BTC: variants seen among roughly 807,000 people sequenced by gnomAD.
BTC encodes the protein probetacellulin.
BTC carries 13 observed loss-of-function variants against 18.1 expected under a neutral mutation model. The ratio of observed to expected loss-of-function variants is 0.72; its 90% CI spans 0.47 to 1.14. The LOEUF (loss-of-function observed/expected upper bound fraction) is 1.14, where lower values mean the gene tolerates loss of function less well. Ranked by LOEUF, BTC falls within the 50% of genes most tolerant of loss-of-function variation. The pLI, the probability that BTC is intolerant of heterozygous loss-of-function variation, is 0.00. For missense variants in BTC, 247 were observed against 224.2 expected (o/e 1.10, Z -0.65); for synonymous variants, 83 against 79.4 (o/e 1.05, Z -0.24).
chr4:74,792,004 CACAA>C (rs754710215), intron 1 of BTC, among the ~76,000 whole-genome samples: 2,798 of 141,840 alleles, frequency 0.02, 51 homozygotes, highest in African/African-American at 0.05. Context: ...CACACACACA[CACAA>C]ACACTAGTGT....
chr4:74,758,222 C>G (rs143846412), intron 2 of BTC, among the ~76,000 whole-genome samples: 1 of 151,996 alleles, frequency 6.6e-6, no homozygotes, highest in East Asian at 1.9e-4. Flanking sequence ...AGAATGGCTG[C>G]GAATGAAAGT....
rs1461436134 is a variant in BTC at position 74,794,318 on chromosome 4, C to T, written c.8G>A (p.Arg3Gln). The T allele has an allele frequency of 1.9e-6, 3 of 1,546,968 alleles. No homozygotes were observed. The highest frequency in any genetic ancestry group is 2.6e-6 in the Non-Finnish European group (3 of 1,145,964). Residue 3 changes from arginine (R) to glutamine (Q), a missense_variant, in exon 1 of 6, where the codon CGG (arginine) becomes CAG (glutamine). By Grantham distance (43) the Arg-to-Gln change is conservative. Transcript: ENST00000395743. ...GCTGGCGCCGCTGCACCGGGCGGCC[C>T]GGTCCATCAACCCCGCTCTGCCGGG... MD[R>Q]AARCSGASSL...
At chr4:74,781,652 A>G (rs933318027) in intron 1 of BTC, among the ~76,000 whole-genome samples, 4 of 150,690 alleles carry the variant, frequency 2.7e-5, no homozygotes, top group Admixed American at 6.6e-5. Flanking sequence ...TGACTCCCAC[A>G]CCACAAATAT....
At chr4:74,785,182 A>C (rs1365695147) in intron 1 of BTC, among the ~76,000 whole-genome samples, 1 of 152,034 alleles carries the variant, frequency 6.6e-6, no homozygotes, top group Non-Finnish European at 1.5e-5. Flanking sequence ...GAATTTATCC[A>C]TTTATCTTAG....
At chr4:74,784,696 T>C (rs1019295020) in intron 1 of BTC, among the ~76,000 whole-genome samples, 2 of 152,210 alleles carry the variant, frequency 1.3e-5, no homozygotes, top group African/African-American at 4.8e-5. Context: ...GTGGTTTTTG[T>C]CTTTAGTTCT....
chr4:74,784,232 GAAAAAA>G (rs58751452), intron 1 of BTC, among the ~76,000 whole-genome samples: 1 of 79,632 alleles, frequency 1.3e-5, no homozygotes, highest in East Asian at 3.7e-4. Context: ...ATTCTCTCTC[GAAAAAA>G]AAAAAAAAAA....
At chr4:74,753,412 G>C (rs552524548) in intron 3 of BTC, among the ~76,000 whole-genome samples, 2 of 152,244 alleles carry the variant, frequency 1.3e-5, no homozygotes, top group Admixed American at 1.3e-4. Flanking sequence ...AGGCAGTCTG[G>C]CTCTCAAGTT....
intron 1 of BTC, among the ~76,000 whole-genome samples, chr4:74,789,807 C>T (rs1452311): frequency 0.17 from 25,579 of 151,930 alleles, 3,410 homozygotes; most frequent in African/African-American, 0.38. Context: ...TCTGACAACC[C>T]GATTTTCATG....
At chr4:74,783,587 C>CTTTTTT (rs71220728) in intron 1 of BTC, among the ~76,000 whole-genome samples, 4 of 83,552 alleles carry the variant, frequency 4.8e-5, no homozygotes, top group African/African-American at 9.0e-5. Flanking sequence ...CTATTCGGCT[C>CTTTTTT]TTTTTTTTTT....
At chr4:74,769,221 G>T (rs1724978455) in intron 2 of BTC, among the ~76,000 whole-genome samples, 1 of 152,252 alleles carries the variant, frequency 6.6e-6, no homozygotes, top group Admixed American at 6.5e-5. Flanking sequence ...TAATTGGTCT[G>T]TGTTTTGTTT....
In BTC at chr4:74,784,232, GA is replaced by G. The variant is rs58751452; in HGVS notation, c.64+10029del. ...GGTTGACAGAGAGAGATTCTCTCTC[GA>G]AAAAAAAAAAAAAAAAGAAAAAAGA... is the stretch of plus-strand genomic sequence containing the variant. On this transcript the variant is annotated intron_variant, in intron 1 of 5. Coordinates refer to ENST00000395743, the MANE Select transcript of BTC (RefSeq NM_001729.4). 8.3e-3 allele frequency among the ~76,000 whole-genome samples: 657 copies of G among 79,626 alleles called. 1 individual carries two copies. The highest frequency in any genetic ancestry group is 0.017 in the African/African-American group (384 of 22,684). 52.2% of individuals were successfully genotyped at this position (79,626 alleles called of 152,430 possible).
intron 1 of BTC, among the ~76,000 whole-genome samples, chr4:74,779,415 T>G (rs140457616): frequency 2.6e-4 from 39 of 152,278 alleles, no homozygotes; most frequent in South Asian, 1.7e-3. Context: ...AACTCCAAAA[T>G]AATCTGAAGC....
At chr4:74,774,148 G>T (rs1019489863) in intron 1 of BTC, among the ~76,000 whole-genome samples, 4 of 152,124 alleles carry the variant, frequency 2.6e-5, no homozygotes, top group African/African-American at 7.2e-5. Context: ...TTTCAGCAGT[G>T]GATAATATTT....
chr4:74,755,554 G>C (rs541472254), intron 3 of BTC, among the ~76,000 whole-genome samples: 1 of 152,224 alleles, frequency 6.6e-6, no homozygotes, highest in East Asian at 1.9e-4. Flanking sequence ...ATTTCCATTT[G>C]AACCACCCAG....
intron 1 of BTC, among the ~76,000 whole-genome samples, chr4:74,790,418 G>A (rs930516491): frequency 1.3e-5 from 2 of 152,146 alleles, no homozygotes; most frequent in Non-Finnish European, 2.9e-5. Flanking sequence ...AGACTTGCCC[G>A]AAGTTTCAGA....
At chr4:74,772,359 G>C (rs923190481) in intron 1 of BTC, among the ~76,000 whole-genome samples, 1 of 152,042 alleles carries the variant, frequency 6.6e-6, no homozygotes, top group Non-Finnish European at 1.5e-5. Context: ...TTCACACTTA[G>C]AACAAATAGA....
intron 1 of BTC, among the ~76,000 whole-genome samples, chr4:74,783,089 A>G (rs1417498556): frequency 6.6e-6 from 1 of 152,150 alleles, no homozygotes; most frequent in Non-Finnish European, 1.5e-5. Flanking sequence ...GCTGTGCAGA[A>G]GCTCTTTAGT....
At chr4:74,794,106 C>A (rs1251960414) in intron 1 of BTC, among the ~76,000 whole-genome samples, 156 bp downstream of exon 1, 2 of 152,196 alleles carry the variant, frequency 1.3e-5, no homozygotes, top group Admixed American at 1.3e-4. Context: ...GATCTTTAAC[C>A]TCGCGCTCTC....
rs1724880483 is a variant in BTC at position 74,765,605 on chromosome 4, G to A, written c.163+4453C>T. 2.6e-5 allele frequency among the ~76,000 whole-genome samples: 4 copies of A among 152,110 alleles called. 1 individual carries two copies. In the South Asian group the frequency reaches 6.2e-4, roughly 24 times the overall value. ...ATGCCCCAAACTTACCAAATCTAAG[G>A]AAAGAAATGTACATACATATTCAGA... On this transcript the variant is annotated intron_variant, in intron 2 of 5. Coordinates refer to ENST00000395743, the MANE Select transcript of BTC (RefSeq NM_001729.4).
Sources: allele counts gnomAD v4.1 joint callset (sites outside exome capture counted in the v4.1 genomes callset), GRCh38; gene constraint gnomAD v4.1.1; transcripts MANE v1.5; gene names NCBI Gene and HGNC (gene_info 2026-07-23, HGNC 2026-07-21).